Variants in OTUD7A observed in about 807,000 individuals in gnomAD.
OTUD7A encodes the protein OTU deubiquitinase 7A.
Under a neutral mutation model 65.7 loss-of-function variants are expected in OTUD7A, and 12 were observed. That is an observed-to-expected ratio of 0.18 (90% CI 0.12 to 0.30). The LOEUF (loss-of-function observed/expected upper bound fraction) is 0.30, where lower values mean the gene tolerates loss of function less well. OTUD7A is among the 10% of genes least tolerant of loss of function. The pLI is 1.00. For missense variants in OTUD7A, 1,148 were observed against 1,304.8 expected, an observed-to-expected ratio of 0.88 and a Z score of 1.85; for synonymous variants, 641 against 586.3, an observed-to-expected ratio of 1.09 and a Z score of -1.35.
chr15:31,790,893 G>A (rs1488413593), intron 1 of OTUD7A, among the ~76,000 whole-genome samples: 2 of 152,214 alleles, frequency 1.3e-5, no homozygotes, highest in Admixed American at 6.5e-5. Context: ...TTCAGGTTAG[G>A]ATGAGAACTT....
intron 1 of OTUD7A, among the ~76,000 whole-genome samples, chr15:31,758,661 T>C (rs1280504452): frequency 6.6e-6 from 1 of 152,188 alleles, no homozygotes; most frequent in South Asian, 2.1e-4. Flanking sequence ...AATTCACCCA[T>C]AGTGGGGAGG....
At chr15:31,733,395 G>C (rs1298056287) in intron 1 of OTUD7A, among the ~76,000 whole-genome samples, 1 of 152,286 alleles carries the variant, frequency 6.6e-6, no homozygotes, top group Non-Finnish European at 1.5e-5. Flanking sequence ...TTGTGAATAA[G>C]CTGTTTCTTC....
intron 1 of OTUD7A, among the ~76,000 whole-genome samples, chr15:31,807,323 G>C (rs1250312691): frequency 2.6e-5 from 4 of 152,180 alleles, no homozygotes; most frequent in African/African-American, 9.7e-5. Flanking sequence ...GAGTCTCACA[G>C]GGACATGCAT....
intron 5 of OTUD7A, among the ~76,000 whole-genome samples, chr15:31,535,300 T>C (rs1453856992): frequency 3.9e-5 from 6 of 152,178 alleles, no homozygotes; most frequent in African/African-American, 1.4e-4. Flanking sequence ...GTGGCAGTTT[T>C]CCCTGTGCTG....
At chr15:31,653,933 A>G (rs1891914638) in intron 3 of OTUD7A, among the ~76,000 whole-genome samples, 2 of 128,998 alleles carry the variant, frequency 1.6e-5, no homozygotes, top group Admixed American at 1.6e-4. Context: ...CACATTTTAT[A>G]TCACAACTTC....
At chr15:31,646,132 C>T (rs967268238) in intron 3 of OTUD7A, among the ~76,000 whole-genome samples, 8 of 152,170 alleles carry the variant, frequency 5.3e-5, no homozygotes, top group African/African-American at 1.9e-4. Flanking sequence ...TTTGCTCCTT[C>T]CCTCTTCAGC....
At chr15:31,767,549 A>T (rs1895122881) in intron 1 of OTUD7A, 2 of 785,662 alleles carry the variant, frequency 2.5e-6, no homozygotes, top group Non-Finnish European at 4.7e-6. Flanking sequence ...TGGCCCCATT[A>T]TATATTGGGG....
At chr15:31,766,111 T>C in intron 1 of OTUD7A, 1 of 1,438,602 alleles carries the variant, frequency 7.0e-7, no homozygotes, top group South Asian at 1.1e-5. Context: ...TCCACTGCAG[T>C]CTGCAAGTAA....
intron 1 of OTUD7A, among the ~76,000 whole-genome samples, chr15:31,676,791 A>G (rs181868439): frequency 1.1e-4 from 17 of 152,392 alleles, no homozygotes; most frequent in African/African-American, 4.1e-4. Flanking sequence ...TATAAAATTT[A>G]TAAAATAAGT....
intron 4 of OTUD7A, among the ~76,000 whole-genome samples, chr15:31,564,783 T>C (rs780457330): frequency 2.6e-5 from 4 of 152,092 alleles, no homozygotes; most frequent in Admixed American, 6.6e-5. Flanking sequence ...ATAAATTGTC[T>C]ACAAGAATCA....
chr15:31,772,809 T>C (rs770071079), intron 1 of OTUD7A, among the ~76,000 whole-genome samples: 2 of 152,224 alleles, frequency 1.3e-5, no homozygotes, highest in Non-Finnish European at 2.9e-5. Context: ...CCCAAATATA[T>C]CTAGACGTGC....
At chr15:31,680,390 T>C (rs1402246570) in intron 1 of OTUD7A, among the ~76,000 whole-genome samples, 1 of 152,180 alleles carries the variant, frequency 6.6e-6, no homozygotes, top group Non-Finnish European at 1.5e-5. Flanking sequence ...AAAAAGTTTG[T>C]CCATAGGAGA....
intron 8 of OTUD7A, among the ~76,000 whole-genome samples, chr15:31,508,495 G>A (rs866636999): frequency 3.7e-4 from 57 of 152,286 alleles, no homozygotes; most frequent in Non-Finnish European, 4.0e-4. Flanking sequence ...GACTACAGGC[G>A]CCCGCCACCA....
At chr15:31,633,968 C>T (rs1891257875) in intron 3 of OTUD7A, among the ~76,000 whole-genome samples, 1 of 152,182 alleles carries the variant, frequency 6.6e-6, no homozygotes, top group Non-Finnish European at 1.5e-5. Flanking sequence ...TCTCACTCGA[C>T]CGACACACCT....
intron 6 of OTUD7A, among the ~76,000 whole-genome samples, chr15:31,529,311 A>G (rs1256618763): frequency 6.6e-6 from 1 of 152,230 alleles, no homozygotes; most frequent in Non-Finnish European, 1.5e-5. Context: ...ATAAGACCCA[A>G]CTACTTAAAA....
intron 1 of OTUD7A, among the ~76,000 whole-genome samples, chr15:31,779,178 A>T (rs1895470025): frequency 6.6e-6 from 1 of 152,172 alleles, no homozygotes; most frequent in African/African-American, 2.4e-5. Flanking sequence ...CAGGTGCCCT[A>T]TTTAACCAAA....
At chr15:31,597,326 C>A (rs1421215521) in intron 3 of OTUD7A, among the ~76,000 whole-genome samples, 1 of 152,096 alleles carries the variant, frequency 6.6e-6, no homozygotes, top group African/African-American at 2.4e-5. Flanking sequence ...TTTGGCCTCT[C>A]TAAAACATGT....
chr15:31,790,428 A>C (rs761302740), intron 1 of OTUD7A, among the ~76,000 whole-genome samples: 5 of 152,242 alleles, frequency 3.3e-5, no homozygotes, highest in African/African-American at 4.8e-5. Flanking sequence ...AGGAGAGGCC[A>C]TGTCTGGAAC....
chr15:31,853,794 T>C (rs1897491019), intron 1 of OTUD7A, among the ~76,000 whole-genome samples: 1 of 152,222 alleles, frequency 6.6e-6, no homozygotes, highest in Non-Finnish European at 1.5e-5. Context: ...GAATCCAGTG[T>C]GCATCCCGCC....
Sources: allele counts gnomAD v4.1 joint callset (sites outside exome capture counted in the v4.1 genomes callset), GRCh38; gene constraint gnomAD v4.1.1; transcripts MANE v1.5; gene names NCBI Gene and HGNC (gene_info 2026-07-23, HGNC 2026-07-21).